Variants in SYNPR observed in about 807,000 individuals in gnomAD.
The protein encoded by SYNPR is synaptoporin.
In SYNPR, 23 loss-of-function variants were observed where a neutral mutation model predicts 32.9. The observed-to-expected ratio is 0.70, with a 90% CI of 0.50 to 0.99. The LOEUF (loss-of-function observed/expected upper bound fraction) is 0.99, where lower values mean the gene tolerates loss of function less well. SYNPR is among the 50% of genes least tolerant of loss of function. The pLI, the probability that SYNPR is intolerant of heterozygous loss-of-function variation, is 0.00. For synonymous variants in SYNPR, 146 were observed against 135.9 expected (o/e 1.07, Z -0.52); for missense variants, 318 against 349.3 (o/e 0.91, Z 0.71).
At chr3:63,206,988 G>A in the SYNPR span, among the ~76,000 whole-genome samples, 2 of 152,182 alleles carry the variant, frequency 1.3e-5, no homozygotes, top group Admixed American at 6.6e-5. Context: ...ACAGAATGAA[G>A]TTGACGTGCA....
At chr3:63,266,156 C>G (rs532904053) in intron 2 of SYNPR, among the ~76,000 whole-genome samples, 51 of 152,282 alleles carry the variant, frequency 3.3e-4, no homozygotes, top group Non-Finnish European at 6.6e-4. Context: ...GAAAGGGAAA[C>G]AAACCAAAGT....
chr3:63,312,011 A>T (rs1037510475), intron 2 of SYNPR, among the ~76,000 whole-genome samples: 1 of 151,990 alleles, frequency 6.6e-6, no homozygotes, highest in African/African-American at 2.4e-5. Flanking sequence ...GTAATACAGG[A>T]TGGTCCCTTT....
At chr3:63,378,139 T>A (rs777424199) in intron 2 of SYNPR, among the ~76,000 whole-genome samples, 8 of 151,942 alleles carry the variant, frequency 5.3e-5, no homozygotes, top group Non-Finnish European at 1.2e-4. Context: ...ACTACACAAA[T>A]GCTTATAATT....
chr3:63,469,522 A>T (rs1312225151), intron 2 of SYNPR, among the ~76,000 whole-genome samples: 1 of 152,240 alleles, frequency 6.6e-6, no homozygotes, highest in Non-Finnish European at 1.5e-5. Flanking sequence ...ACACTACCAT[A>T]GGCAAGAAAT....
chr3:63,496,676 T>G (rs1037121433), intron 3 of SYNPR, among the ~76,000 whole-genome samples: 1 of 152,188 alleles, frequency 6.6e-6, no homozygotes, highest in Non-Finnish European at 1.5e-5. Context: ...TTAATTACTT[T>G]AGTGAGAATT....
chr3:63,312,512 C>G (rs1195071271), intron 2 of SYNPR, among the ~76,000 whole-genome samples: 3 of 151,882 alleles, frequency 2.0e-5, no homozygotes, highest in Non-Finnish European at 4.4e-5. Context: ...ATCCATCTTC[C>G]CCTTCTGTCA....
intron 2 of SYNPR, among the ~76,000 whole-genome samples, chr3:63,416,030 T>G (rs1267637505): frequency 6.6e-6 from 1 of 152,250 alleles, no homozygotes; most frequent in African/African-American, 2.4e-5. Flanking sequence ...AACCCACTGA[T>G]GATCTTTCAA....
At chr3:63,203,144 C>T in the SYNPR span, 1 of 141,704 alleles carries the variant, frequency 7.1e-6, no homozygotes, top group African/African-American at 2.7e-5. Context: ...AAACAAGCAT[C>T]TATACCAGTG....
At chr3:63,562,166 A>C (rs747568290) in intron 4 of SYNPR, among the ~76,000 whole-genome samples, 9 of 152,164 alleles carry the variant, frequency 5.9e-5, no homozygotes, top group Non-Finnish European at 1.0e-4. Context: ...TATAGTTTTA[A>C]AAGCCAATCT....
At chr3:63,523,243 G>C (rs1185976257) in intron 3 of SYNPR, among the ~76,000 whole-genome samples, 2 of 152,142 alleles carry the variant, frequency 1.3e-5, no homozygotes, top group African/African-American at 4.8e-5. Flanking sequence ...GGTGCTGGAT[G>C]CTTCCCTTTG....
At chr3:63,209,579 T>G in the SYNPR span, among the ~76,000 whole-genome samples, 1 of 152,022 alleles carries the variant, frequency 6.6e-6, no homozygotes, top group Non-Finnish European at 1.5e-5. Context: ...TTTAGCCGTA[T>G]TGCCTTTCTT....
At chr3:63,467,665 G>C in intron 2 of SYNPR, among the ~76,000 whole-genome samples, 1 of 152,180 alleles carries the variant, frequency 6.6e-6, no homozygotes, top group Non-Finnish European at 1.5e-5. Flanking sequence ...ATTGTGATAA[G>C]AATTATAAGC....
At chr3:63,468,236 G>C (rs1700724186) in intron 2 of SYNPR, among the ~76,000 whole-genome samples, 1 of 150,902 alleles carries the variant, frequency 6.6e-6, no homozygotes, top group Admixed American at 6.6e-5. Context: ...ATCAAAACGA[G>C]TCCATGAATG....
chr3:63,364,786 C>T (rs573429504), intron 2 of SYNPR, among the ~76,000 whole-genome samples: 3 of 152,104 alleles, frequency 2.0e-5, no homozygotes, highest in African/African-American at 7.2e-5. Context: ...TTTGGATGTG[C>T]CATTGGAGAT....
intron 1 of SYNPR, among the ~76,000 whole-genome samples, chr3:63,239,732 C>T (rs2086226898): frequency 6.6e-6 from 1 of 151,510 alleles, no homozygotes; most frequent in African/African-American, 2.4e-5. Context: ...CCATTGTCAC[C>T]CCTCTTTTTA....
At position 63,234,261 on chromosome 3, in the gene SYNPR, T is replaced by C. The variant is rs775940838; in HGVS notation, n.66+5881T>C. 2.6e-5 allele frequency among the ~76,000 whole-genome samples: 4 copies of C among 152,108 alleles called. No individual in the cohort carries two copies. The East Asian group carries it at 5.8e-4, about 22-fold the overall frequency. On this transcript the variant is annotated intron_variant and non_coding_transcript_variant, in intron 1 of 4. Transcript: ENST00000478456. Reference sequence around the variant, plus strand: ...ATCAAATCTCATGAGACTTATTCTATCACAAAAACAGCACGGGAAAGACTT... The same window carrying C: ...ATCAAATCTCATGAGACTTATTCTACCACAAAAACAGCACGGGAAAGACTT...
intron 2 of SYNPR, among the ~76,000 whole-genome samples, chr3:63,403,925 T>TC (rs1251391148): frequency 2.6e-5 from 4 of 152,214 alleles, no homozygotes; most frequent in Non-Finnish European, 5.9e-5. Context: ...GATGTAAACA[T>TC]CAGCATTCCT....
chr3:63,595,460 G>T (rs1486632128), intron 4 of SYNPR, among the ~76,000 whole-genome samples: 1 of 151,370 alleles, frequency 6.6e-6, no homozygotes, highest in Non-Finnish European at 1.5e-5. Flanking sequence ...GGGGATTAGT[G>T]GGATTTGTCT....
intron 2 of SYNPR, among the ~76,000 whole-genome samples, chr3:63,478,527 C>T (rs920597348): frequency 7.2e-5 from 11 of 152,158 alleles, no homozygotes; most frequent in Non-Finnish European, 1.6e-4. Context: ...GGACACAATG[C>T]TTGGCCCATA....
Sources: gnomAD v4.1 joint callset for allele counts (sites outside exome capture counted in the v4.1 genomes callset) on GRCh38, gnomAD v4.1.1 for gene constraint, MANE v1.5 for transcripts, NCBI Gene and HGNC (gene_info 2026-07-23, HGNC 2026-07-21) for gene names.